The following ADGRV1 variants were observed in gnomAD, a reference collection of about 807,000 sequenced individuals.
ADGRV1 encodes adhesion G protein-coupled receptor V1.
ADGRV1 carries 359 observed loss-of-function variants against 596.2 expected under a neutral mutation model. That is an observed-to-expected ratio of 0.60 (90% CI 0.55 to 0.66). The LOEUF is 0.66. ADGRV1 is among the 30% of genes least tolerant of loss of function. The pLI is 0.00. For synonymous variants in ADGRV1, 2,681 were observed against 2,679.2 expected (o/e 1.00, Z -0.02); for missense variants, 7,274 against 7,575.6 (o/e 0.96, Z 1.48).
chr5:90,720,912 C>T (rs912387948), intron 44 of ADGRV1, 23 bp from the exon 45 acceptor site: 14 of 1,586,966 alleles, frequency 8.8e-6, no homozygotes, highest in African/African-American at 4.0e-5. Context: ...TTCTGCTTCC[C>T]TCAATCCATG....
In ADGRV1 at chr5:90,759,415, G is replaced by A. The variant is rs774167945; in HGVS notation, c.11947G>A (p.Ala3983Thr). Residue 3983 changes from alanine (A) to threonine (T), a missense_variant, in exon 58 of 90, where the codon GCA becomes ACA. Coordinates refer to ENST00000405460, the MANE Select transcript of ADGRV1 (RefSeq NM_032119.4). Reference sequence around the variant, plus strand: ...TCCTTCCTTTCTTTCATAGGTTACTGCAATGATAGAAATCACCATAATTGA... The same window carrying A: ...TCCTTCCTTTCTTTCATAGGTTACTACAATGATAGAAATCACCATAATTGA... The part of the protein sequence containing the change: ...ILEFADKQVT[A>T]MIEITIIDDA... 3.2e-6 allele frequency: 5 copies of A among 1,552,672 alleles called. No homozygotes were observed. The Admixed American group carries it at 7.8e-5, about 24-fold the overall frequency.
chr5:90,767,759 G>A (rs1047042073), intron 59 of ADGRV1, among the ~76,000 whole-genome samples: 4 of 150,572 alleles, frequency 2.7e-5, no homozygotes, highest in African/African-American at 4.9e-5. Context: ...TTTTCCCTTC[G>A]GTATTGCAAT....
chr5:91,046,102 C>T (rs1785782865), intron 85 of ADGRV1, among the ~76,000 whole-genome samples: 1 of 152,050 alleles, frequency 6.6e-6, no homozygotes. Flanking sequence ...CAAAAGCAAT[C>T]TATAAATTCA....
intron 83 of ADGRV1, among the ~76,000 whole-genome samples, chr5:90,908,788 A>C (rs1772562467): frequency 6.6e-6 from 1 of 152,230 alleles, no homozygotes; most frequent in African/African-American, 2.4e-5. Context: ...ACATGAATCC[A>C]TAGCTCTCCA....
chr5:91,047,770 C>T (rs1415760349), intron 85 of ADGRV1, among the ~76,000 whole-genome samples: 1 of 152,150 alleles, frequency 6.6e-6, no homozygotes, highest in East Asian at 1.9e-4. Context: ...TAAAGTGATA[C>T]TATTTTGTCA....
At chr5:90,904,656 G>C (rs1772155263) in intron 83 of ADGRV1, among the ~76,000 whole-genome samples, 1 of 151,670 alleles carries the variant, frequency 6.6e-6, no homozygotes, top group Non-Finnish European at 1.5e-5. Context: ...TCCCTTGTCA[G>C]ATGGGCAATT....
rs35809247 is a variant in ADGRV1, at chr5:91,158,849, G to GTGGATGGA, written c.18803-4887_18803-4880dup. Among the ~76,000 whole-genome samples the GTGGATGGA allele has an allele frequency of 4.3e-3, 625 of 146,202 alleles. 3 individuals are homozygous for GTGGATGGA. Among genetic ancestry groups the GTGGATGGA allele is most frequent in the African/African-American group, 0.011 (424 of 39,416 alleles). ...CCATATTGGATGGATACATGGATGG[G>GTGGATGGA]TGGATGGATGGATGGATGGATGGAT... On this transcript the variant is annotated intron_variant, in intron 89 of 89. Transcript: ENST00000405460.
At chr5:90,862,660 C>CA (rs1470055312) in intron 82 of ADGRV1, among the ~76,000 whole-genome samples, 1 of 152,014 alleles carries the variant, frequency 6.6e-6, no homozygotes, top group Non-Finnish European at 1.5e-5. Context: ...GAAGCCTTCC[C>CA]AAAAAACGGA....
intron 74 of ADGRV1, among the ~76,000 whole-genome samples, chr5:90,812,543 C>T (rs1167156406): frequency 1.3e-5 from 2 of 152,154 alleles, no homozygotes; most frequent in Non-Finnish European, 2.9e-5. Context: ...TAACCATATT[C>T]ACCATTCTGT....
At chr5:90,971,316 C>G (rs1778961725) in intron 84 of ADGRV1, among the ~76,000 whole-genome samples, 1 of 152,162 alleles carries the variant, frequency 6.6e-6, no homozygotes, top group South Asian at 2.1e-4. Context: ...CTTAGCAAGG[C>G]AGGCCAACAT....
intron 42 of ADGRV1, among the ~76,000 whole-genome samples, chr5:90,716,237 C>T (rs1162502861): frequency 6.6e-6 from 1 of 152,188 alleles, no homozygotes; most frequent in Non-Finnish European, 1.5e-5. Context: ...ACTGCTTCAT[C>T]AGGTTAAGGA....
Position 90,914,212 on chromosome 5 carries a change from A to G in ADGRV1, c.17856+50355A>G, listed in dbSNP as rs143635799. Among the ~76,000 whole-genome samples, 869 of 152,290 alleles carry G rather than the reference A, an allele frequency of 5.7e-3. 7 individuals are homozygous for G. The highest frequency in any genetic ancestry group is 0.016 in the Admixed American group (250 of 15,300). Reference sequence around the variant, plus strand: ...AGGAGCCCAAAATGCTCCAATGAACATGTCCTTTGAGCATCATGTAGGTGC... The same window carrying G: ...AGGAGCCCAAAATGCTCCAATGAACGTGTCCTTTGAGCATCATGTAGGTGC... On this transcript the variant is annotated intron_variant, in intron 83 of 89. Coordinates refer to ENST00000405460, the MANE Select transcript of ADGRV1 (RefSeq NM_032119.4).
chr5:90,803,877 T>A (rs547215848), intron 71 of ADGRV1, among the ~76,000 whole-genome samples: 2 of 152,298 alleles, frequency 1.3e-5, no homozygotes, highest in South Asian at 4.1e-4. Flanking sequence ...AAACATTTCC[T>A]ACTCCTTATC....
intron 83 of ADGRV1, among the ~76,000 whole-genome samples, chr5:90,928,765 A>G (rs1020477493): frequency 4.0e-5 from 6 of 151,490 alleles, no homozygotes; most frequent in African/African-American, 1.2e-4. Context: ...TTGTGTTTTT[A>G]TCTACTTTTG....
Position 90,721,794 on chromosome 5 carries a change from C to CTGAATGA in ADGRV1, c.9748+739_9748+745dup, listed in dbSNP as rs377034348. 4.9e-3 allele frequency among the ~76,000 whole-genome samples: 745 copies of CTGAATGA among 152,136 alleles called. 8 individuals carry two copies. The highest frequency in any genetic ancestry group is 0.017 in the African/African-American group (723 of 41,510). ...AGGGGTATTGATCTTTGAGCTAAGACTGAATGATGAGTAGAGATTGATTAT... is the reference window on the plus strand; with the variant it reads ...AGGGGTATTGATCTTTGAGCTAAGACTGAATGATGAATGATGAGTAGAGATTGATTAT... On this transcript the variant is annotated intron_variant, in intron 45 of 89. Coordinates refer to ENST00000405460, the MANE Select transcript of ADGRV1 (RefSeq NM_032119.4).
Position 90,696,933 on chromosome 5 carries a change from A to G in ADGRV1, c.7946-4A>G, listed in dbSNP as rs1018268020. The G allele has an allele frequency of 3.1e-6, 5 of 1,605,852 alleles. No individual in the cohort carries two copies. The highest frequency in any genetic ancestry group is 3.4e-6 in the Non-Finnish European group (4 of 1,174,322). On this transcript the variant is annotated splice_polypyrimidine_tract_variant and splice_region_variant and intron_variant, in intron 33 of 89. Coordinates refer to ENST00000405460, the MANE Select transcript of ADGRV1 (RefSeq NM_032119.4). ...TGGTTTTTATTCCATTGATGTTTTT[A>G]TAGGTGAAACCAAAAAGACAGTCAT... is the stretch of plus-strand genomic sequence containing the variant.
chr5:90,916,875 G>A (rs61424527), intron 83 of ADGRV1, among the ~76,000 whole-genome samples: 39,267 of 151,518 alleles, frequency 0.26, 5,612 homozygotes, highest in Admixed American at 0.41. Flanking sequence ...CTCGTGATCC[G>A]CCCGCCTCGG....
intron 10 of ADGRV1, 72 bp from the exon 11 acceptor site, chr5:90,637,653 C>A: frequency 1.9e-6 from 2 of 1,075,130 alleles, no homozygotes; most frequent in African/African-American, 1.6e-5. Flanking sequence ...AAACTAATAT[C>A]AATACCAAAG....
At chr5:90,636,866 A>G (rs780073024) in intron 10 of ADGRV1, among the ~76,000 whole-genome samples, 1 of 152,196 alleles carries the variant, frequency 6.6e-6, no homozygotes, top group Non-Finnish European at 1.5e-5. Flanking sequence ...TAGGAGCATA[A>G]AAAGAATAGT....
Sources: allele counts gnomAD v4.1 joint callset (sites outside exome capture counted in the v4.1 genomes callset), GRCh38; gene constraint gnomAD v4.1.1; transcripts MANE v1.5; gene names NCBI Gene and HGNC (gene_info 2026-07-23, HGNC 2026-07-21).